PC: variants seen among roughly 807,000 people sequenced by gnomAD.
The protein encoded by PC is pyruvate carboxylase, also known as pyruvate carboxylase, mitochondrial.
PC carries 46 observed loss-of-function variants against 107.8 expected under a neutral mutation model. That is an observed-to-expected ratio of 0.43 (90% CI 0.34 to 0.55). The LOEUF is 0.55. Among genes scored for constraint, PC ranks in the 20% least tolerant of loss-of-function variants. The pLI is 0.04. For missense variants in PC, 1,241 were observed against 1,643.1 expected (o/e 0.76, Z 4.23); for synonymous variants, 662 against 684.7 (o/e 0.97, Z 0.52).
intron 3 of PC, among the ~76,000 whole-genome samples, chr11:66,947,258 G>A (rs1949320501): frequency 1.3e-5 from 2 of 152,100 alleles, no homozygotes; most frequent in African/African-American, 4.8e-5. Flanking sequence ...AAAGGTGACT[G>A]GATAAACTGT....
rs939348789 is a variant in PC, at chr11:66,848,524, G to A, written c.*375C>T. On this transcript the variant is annotated 3_prime_UTR_variant, in exon 23 of 23. Transcript: ENST00000393960. Reference sequence around the variant, plus strand: ...GGGGCTGCACAGGATCCAGCATGGAGGGCAGGGGAAAGCCAGCTTTATTGA... The same window carrying A: ...GGGGCTGCACAGGATCCAGCATGGAAGGCAGGGGAAAGCCAGCTTTATTGA... The A allele has an allele frequency of 1.7e-6, 1 of 590,254 alleles. No homozygotes were observed. The highest frequency in any genetic ancestry group is 1.9e-5 in the African/African-American group (1 of 53,698). The allele number at this position is 590,254 out of a possible 1,614,324, so 36.6% of individuals were successfully genotyped here. A position where few individuals can be genotyped will look rare whatever the true frequency, so the allele number is the denominator to read the frequency against.
At chr11:66,905,848 C>T (rs772463207) in intron 3 of PC, among the ~76,000 whole-genome samples, 10 of 152,056 alleles carry the variant, frequency 6.6e-5, no homozygotes, top group African/African-American at 1.7e-4. Context: ...CCTGGGCTGC[C>T]CAGGCCCTGG....
intron 3 of PC, among the ~76,000 whole-genome samples, chr11:66,948,252 C>T (rs1949353447): frequency 6.7e-6 from 1 of 149,818 alleles, no homozygotes. Flanking sequence ...CAAGCAACAA[C>T]ATGGACATAT....
chr11:66,868,847 C>T lies in PC; in HGVS notation c.1021G>A (p.Asp341Asn), dbSNP rs370810518. Reference sequence around the variant, plus strand: ...CCCCGCCTGCCCGCCCACACTCACTCGGTGATCTCCTCTGTGACCGTGTGC... The same window carrying T: ...CCCCGCCTGCCCGCCCACACTCACTTGGTGATCTCCTCTGTGACCGTGTGC... Reference protein sequence around the residue: ...VEHTVTEEITDVDLVHAQIHV... With the variant: ...VEHTVTEEITNVDLVHAQIHV... The change falls in exon 10 of 23, where the codon GAC (aspartate) becomes AAC (asparagine). Residue 341 changes from aspartate to asparagine, a missense_variant and splice_region_variant. This residue lies in a region of PC where 1,143 missense variants were observed against 1,551.9 expected (regional missense o/e 0.74). Transcript: ENST00000393960. 159 of 1,611,062 alleles carry T rather than the reference C, an allele frequency of 9.9e-5. No individual in the cohort carries two copies. Among genetic ancestry groups the T allele is most frequent in the Middle Eastern group, 1.6e-4 (1 of 6,076 alleles).
chr11:66,857,678 C>G lies in PC; in HGVS notation c.1369-4295G>C. The G allele has an allele frequency of 1.3e-6, 2 of 1,505,380 alleles. No homozygotes were observed. The highest frequency in any genetic ancestry group is 1.3e-5 in the South Asian group (1 of 78,794). 93.3% of individuals were successfully genotyped at this position (1,505,380 alleles called of 1,614,324 possible). ...GCTGGCTTCTGGGACTGTCCTGGGC[C>G]CAAGTGGGCACCTGCGCCAGCCCCA... On this transcript the variant is annotated intron_variant, in intron 12 of 22. Coordinates refer to ENST00000393960, the MANE Select transcript of PC (RefSeq NM_001040716.2). This position sits in a 1 kb window ranked among gnomAD's most constrained non-coding sequence, Gnocchi z 7.1.
rs1454713055 is a variant in PC, at chr11:66,858,946, G to C, written c.1368+4828C>G. On this transcript the variant is annotated intron_variant, in intron 12 of 22. Transcript: ENST00000393960. The surrounding 1 kb of genome is among the most constrained non-coding windows in gnomAD (Gnocchi z 5.9). ...GCTCGCACTGCTGCCGAGGGTGAGGGGACGCTGGAGTCTGAGCCAGCCGTG... is the reference window on the plus strand; with the variant it reads ...GCTCGCACTGCTGCCGAGGGTGAGGCGACGCTGGAGTCTGAGCCAGCCGTG... 17 of 1,577,198 alleles carry C rather than the reference G, an allele frequency of 1.1e-5. No homozygotes were observed. Among genetic ancestry groups the C allele is most frequent in the Non-Finnish European group, 1.5e-5 (17 of 1,158,466 alleles).
chr11:66,909,576 G>A (rs906696613), intron 3 of PC, among the ~76,000 whole-genome samples: 9 of 152,302 alleles, frequency 5.9e-5, no homozygotes, highest in African/African-American at 1.2e-4. Context: ...TTGGTCCAGC[G>A]CAGCCTGCCT....
rs566158050 is a variant in PC, at chr11:66,851,649, T to C, written c.1982+141A>G. On this transcript the variant is annotated intron_variant, in intron 16 of 22. Transcript: ENST00000393960. ...CTCCAATTTTACACTTCTCGATATT[T>C]CCAAACAGCAGCCCCTGCTGCGTGT... is the stretch of plus-strand genomic sequence containing the variant. 25 of 907,302 alleles carry C rather than the reference T, an allele frequency of 2.8e-5. No individual in the cohort carries two copies. In the Admixed American group the frequency reaches 5.0e-4, roughly 18 times the overall value. 56.2% of individuals were successfully genotyped at this position (907,302 alleles called of 1,614,324 possible). A position where few individuals can be genotyped will look rare whatever the true frequency, so the allele number is the denominator to read the frequency against.
chr11:66,927,647 C>T (rs1359913355), intron 3 of PC, among the ~76,000 whole-genome samples: 9 of 151,042 alleles, frequency 6.0e-5, no homozygotes, highest in East Asian at 3.9e-4. Context: ...CGCTTGAACC[C>T]GGGAGGCAGT....
At chr11:66,863,289 G>A (rs1197873347) in intron 12 of PC, among the ~76,000 whole-genome samples, 12 of 152,152 alleles carry the variant, frequency 7.9e-5, no homozygotes, top group Non-Finnish European at 1.5e-4. Flanking sequence ...GCAGTGAGCC[G>A]AGATCGCGCC....
Position 66,892,277 on chromosome 11 carries a change from G to A in PC, c.1-20118C>T, listed in dbSNP as rs550605177. ...TAAGAGTTCTGGGACAGTCTCAGTT[G>A]TAAAACAGCCAGTGCTTGGCCACAG... is the stretch of plus-strand genomic sequence containing the variant. On this transcript the variant is annotated intron_variant, in intron 3 of 22. Transcript: ENST00000393960. 1.2e-4 allele frequency among the ~76,000 whole-genome samples: 19 copies of A among 152,290 alleles called. No homozygotes were observed. The South Asian group carries it at 3.9e-3, about 32-fold the overall frequency.
At chr11:66,889,379 T>C (rs1231460083) in intron 3 of PC, among the ~76,000 whole-genome samples, 2 of 151,920 alleles carry the variant, frequency 1.3e-5, no homozygotes, top group Non-Finnish European at 2.9e-5. Flanking sequence ...ACATGTATTA[T>C]TATTATTATT....
intron 3 of PC, among the ~76,000 whole-genome samples, chr11:66,936,871 ACCCAGGCT>A (rs1949014581): frequency 6.6e-6 from 1 of 151,966 alleles, no homozygotes; most frequent in South Asian, 2.1e-4. Flanking sequence ...TTGCTCTGTC[ACCCAGGCT>A]CCCAGGCTGG....
chr11:66,869,100 C>G lies in PC; in HGVS notation c.904-136G>C, dbSNP rs368450543. 3.7e-5 allele frequency: 25 copies of G among 681,982 alleles called. No homozygotes were observed. The South Asian group carries it at 3.8e-4, about 10-fold the overall frequency. The allele number at this position is 681,982 out of a possible 1,614,324, so 42.2% of individuals were successfully genotyped here. On this transcript the variant is annotated intron_variant, in intron 9 of 22. Transcript: ENST00000393960. Reference sequence around the variant, plus strand: ...TGGCCTGTGGCAAACCCTGCCCCCACAGATGGCAGACAGACCCCAGGGCCC... The same window carrying G: ...TGGCCTGTGGCAAACCCTGCCCCCAGAGATGGCAGACAGACCCCAGGGCCC...
intron 3 of PC, among the ~76,000 whole-genome samples, chr11:66,911,534 G>C (rs1565281784): frequency 6.6e-6 from 1 of 152,060 alleles, no homozygotes; most frequent in African/African-American, 2.4e-5. Flanking sequence ...GATCACACTT[G>C]TAAATAGCCA....
At chr11:66,887,379 C>T (rs1398647825) in intron 3 of PC, among the ~76,000 whole-genome samples, 1 of 152,098 alleles carries the variant, frequency 6.6e-6, no homozygotes, top group African/African-American at 2.4e-5. Context: ...ATATAGAGAA[C>T]AGATACTCAG....
chr11:66,921,025 CAAAA>C (rs529029813), intron 3 of PC, among the ~76,000 whole-genome samples: 1 of 104,146 alleles, frequency 9.6e-6, no homozygotes, highest in Non-Finnish European at 2.1e-5. Context: ...GACTCCGTCT[CAAAA>C]AAAAAAAAAA....
At chr11:66,905,315 C>T (rs756556204) in intron 3 of PC, among the ~76,000 whole-genome samples, 2 of 152,166 alleles carry the variant, frequency 1.3e-5, no homozygotes, top group Non-Finnish European at 2.9e-5. Flanking sequence ...AGCAAGGGTG[C>T]CAACGCCTGC....
intron 12 of PC, among the ~76,000 whole-genome samples, chr11:66,861,333 G>C (rs1946245405): frequency 6.6e-6 from 1 of 152,222 alleles, no homozygotes. Context: ...CCCAGGTGCT[G>C]TATGAAAACT....
Sources: allele counts gnomAD v4.1 joint callset (sites outside exome capture counted in the v4.1 genomes callset), GRCh38; gene constraint gnomAD v4.1.1; regional missense constraint gnomAD v4.1.1; non-coding constraint Gnocchi (gnomAD v3.1); transcripts MANE v1.5; gene names NCBI Gene and HGNC (gene_info 2026-07-23, HGNC 2026-07-21).